PCDHGA5: variants seen among roughly 807,000 people sequenced by gnomAD.
PCDHGA5 encodes protocadherin gamma subfamily A, 5.
In PCDHGA5, 36 loss-of-function variants were observed where a neutral mutation model predicts 56.7. The observed-to-expected ratio is 0.64, with a 90% CI of 0.49 to 0.84. The LOEUF is 0.84. PCDHGA5 is among the 40% of genes least tolerant of loss of function. The pLI is 0.00. For synonymous variants in PCDHGA5, 563 were observed against 520.2 expected (o/e 1.08, Z -1.12); for missense variants, 1,305 against 1,201.5 (o/e 1.09, Z -1.27).
chr5:141,490,984 T>TCTG lies in PCDHGA5; in HGVS notation c.2422-3820_2422-3818dup. On this transcript the variant is annotated intron_variant, in intron 1 of 3. Transcript: ENST00000518069. The surrounding 1 kb of genome is among the most constrained non-coding windows in gnomAD (Gnocchi z 5.4). ...CTCAGCCCCCCAGCGTCTCCCTCGCTCTGCTCCTCCTGGCTCCTTGGTCAC... is the reference window on the plus strand; with the variant it reads ...CTCAGCCCCCCAGCGTCTCCCTCGCTCTGCTGCTCCTCCTGGCTCCTTGGTCAC... The TCTG allele has an allele frequency of 1.2e-6, 2 of 1,614,110 alleles. No homozygotes were observed. Among genetic ancestry groups the TCTG allele is most frequent in the Non-Finnish European group, 1.7e-6 (2 of 1,180,028 alleles).
Position 141,477,689 on chromosome 5 carries a change from C to T in PCDHGA5, c.2422-17118C>T. The T allele has an allele frequency of 6.2e-7, 1 of 1,614,156 alleles. No individual in the cohort carries two copies. The highest frequency in any genetic ancestry group is 8.5e-7 in the Non-Finnish European group (1 of 1,180,024). ...TGGCATAGTGTCATCCTTAGTGCCC[C>T]TAGACTATGAGGATCGGCGGGAATT... On this transcript the variant is annotated intron_variant, in intron 1 of 3. Transcript: ENST00000518069. This position sits in a 1 kb window ranked among gnomAD's most constrained non-coding sequence, Gnocchi z 4.9.
Position 141,366,058 on chromosome 5 carries a change from G to C in PCDHGA5, c.1728G>C (p.Glu576Asp). The C allele has an allele frequency of 1.2e-6, 2 of 1,614,242 alleles. No homozygotes were observed. Among genetic ancestry groups the C allele is most frequent in the East Asian group, 2.2e-5 (1 of 44,876 alleles). Residue 576 changes from glutamate to aspartate, a missense_variant, in exon 1 of 4, where the codon GAG (glutamate) becomes GAC (aspartate). Glu to Asp is a conservative substitution (Grantham distance 45, BLOSUM62 2). Coordinates refer to ENST00000518069, the MANE Select transcript of PCDHGA5 (RefSeq NM_018918.3). ...CCACAGACGGTTCCACGGGCGTGGA[G>C]CTGGCGCCTCGCTCCGCAGAACCTG... ...ALPTDGSTGV[E>D]LAPRSAEPGY...
At position 141,486,383 on chromosome 5, in the gene PCDHGA5, C is replaced by A. The variant is rs757384186; in HGVS notation, c.2422-8424C>A. On this transcript the variant is annotated intron_variant, in intron 1 of 3. Transcript: ENST00000518069. The surrounding 1 kb of genome is among the most constrained non-coding windows in gnomAD (Gnocchi z 5.0). ...TGCCCTCAAGTCTGCCTTCAGGAAC[C>A]AGTTCTCCCTGGTGACTGCTGGACC... The A allele has an allele frequency of 6.2e-7, 1 of 1,614,040 alleles. No homozygotes were observed. Among genetic ancestry groups the A allele is most frequent in the East Asian group, 2.2e-5 (1 of 44,884 alleles).
At chr5:141,389,061 T>C in intron 1 of PCDHGA5, 1 of 1,614,022 alleles carries the variant, frequency 6.2e-7, no homozygotes, top group Non-Finnish European at 8.5e-7. Context: ...ATTTAAAATA[T>C]TAACTTCTTC....
At chr5:141,456,971 A>G (rs1031714073) in intron 1 of PCDHGA5, among the ~76,000 whole-genome samples, 1 of 147,384 alleles carries the variant, frequency 6.8e-6, no homozygotes, top group Non-Finnish European at 1.5e-5. Context: ...TCAAAACAAA[A>G]CAAACAAACA....
At chr5:141,423,701 G>A in intron 1 of PCDHGA5, 1 of 1,312,668 alleles carries the variant, frequency 7.6e-7, no homozygotes, top group Non-Finnish European at 9.9e-7. Flanking sequence ...TGGTGTCTTG[G>A]CACAAGTCTT....
intron 1 of PCDHGA5, chr5:141,371,021 C>T (rs1767401708): frequency 1.2e-6 from 2 of 1,614,026 alleles, no homozygotes; most frequent in South Asian, 2.2e-5. Flanking sequence ...CACATCACCA[C>T]CTGGTCCTCA....
Position 141,494,815 on chromosome 5 carries a change from G to C in PCDHGA5, c.2430G>C (p.Pro810=). 6.2e-7 allele frequency: 1 copy of C among 1,613,976 alleles called. No individual in the cohort carries two copies. The highest frequency in any genetic ancestry group is 8.5e-7 in the Non-Finnish European group (1 of 1,179,982). Residue 810 remains proline, a synonymous_variant, in exon 2 of 4, where the codon CCG becomes CCC. Transcript: ENST00000518069. Reference sequence around the variant, plus strand: ...CTCTGTTTTCTCCACAGCAAGCCCCGCCCAACACGGACTGGCGTTTCTCTC... The same window carrying C: ...CTCTGTTTTCTCCACAGCAAGCCCCCCCCAACACGGACTGGCGTTTCTCTC... ...NKEERRVQQA[P]PNTDWRFSQA...
rs11953770 is a variant in PCDHGA5 at position 141,510,741 on chromosome 5, C to T, written c.2570-206C>T. On this transcript the variant is annotated intron_variant, in intron 3 of 3. Coordinates refer to ENST00000518069, the MANE Select transcript of PCDHGA5 (RefSeq NM_018918.3). ...TAAGGAAAGGAGCTAGGAATCAAACCTAGACTTTCTCACTCCAGAGCCTCT... is the reference window on the plus strand; with the variant it reads ...TAAGGAAAGGAGCTAGGAATCAAACTTAGACTTTCTCACTCCAGAGCCTCT... Among the ~76,000 whole-genome samples the T allele has an allele frequency of 2.6e-5, 4 of 152,138 alleles. No homozygotes were observed. In the South Asian group the frequency reaches 8.3e-4, roughly 32 times the overall value.
rs1330784633 is a variant in PCDHGA5 at position 141,476,330 on chromosome 5, G to A, written c.2422-18477G>A. On this transcript the variant is annotated intron_variant, in intron 1 of 3. Transcript: ENST00000518069. This position sits in a 1 kb window ranked among gnomAD's most constrained non-coding sequence, Gnocchi z 7.6. ...CCGCAGGTTCCGGGTGGTGTCTGGA[G>A]CTAGCCGAAGATTCTTTGAGGTGAA... The A allele has an allele frequency of 1.2e-6, 2 of 1,614,092 alleles. No homozygotes were observed. The highest frequency in any genetic ancestry group is 1.6e-4 in the Middle Eastern group (1 of 6,084).
chr5:141,471,006 T>A (rs560578929), intron 1 of PCDHGA5, among the ~76,000 whole-genome samples: 57 of 150,804 alleles, frequency 3.8e-4, no homozygotes, highest in African/African-American at 1.3e-3. Context: ...CATGAGCCAC[T>A]GTGCCTGGTC....
Position 141,489,900 on chromosome 5 carries a change from A to T in PCDHGA5, c.2422-4907A>T. ...TTACTGCTGTGGATGGGGGGACCCC[A>T]GCCCGCTCAGGGACCACCCTTATCT... On this transcript the variant is annotated intron_variant, in intron 1 of 3. Coordinates refer to ENST00000518069, the MANE Select transcript of PCDHGA5 (RefSeq NM_018918.3). This position sits in a 1 kb window ranked among gnomAD's most constrained non-coding sequence, Gnocchi z 4.5. The T allele has an allele frequency of 6.2e-7, 1 of 1,614,254 alleles. No homozygotes were observed. The highest frequency in any genetic ancestry group is 8.5e-7 in the Non-Finnish European group (1 of 1,180,044).
At chr5:141,498,863 G>A (rs1311199561) in intron 2 of PCDHGA5, among the ~76,000 whole-genome samples, 2 of 151,466 alleles carry the variant, frequency 1.3e-5, no homozygotes, top group South Asian at 2.1e-4. Context: ...AACCCAGGAG[G>A]CGGAGGTTGC....
intron 1 of PCDHGA5, chr5:141,385,646 C>A: frequency 1.4e-6 from 1 of 737,590 alleles, no homozygotes; most frequent in Non-Finnish European, 1.7e-6. Flanking sequence ...TTTCATATTG[C>A]ACAAGGTTAG....
chr5:141,413,197 T>C (rs1429088178), intron 1 of PCDHGA5: 1 of 1,611,552 alleles, frequency 6.2e-7, no homozygotes, highest in Non-Finnish European at 8.5e-7. Flanking sequence ...AAGGAATCGC[T>C]CAAAGGAATC....
rs2099692694 is a variant in PCDHGA5, at chr5:141,489,817, GAGCTGGTGCTAGAGCAGC to G, written c.2422-4983_2422-4966del. On this transcript the variant is annotated intron_variant, in intron 1 of 3. Transcript: ENST00000518069. This position sits in a 1 kb window ranked among gnomAD's most constrained non-coding sequence, Gnocchi z 4.5. ...CCTAAAAGATGGGAAGCCATTCCCA[GAGCTGGTGCTAGAGCAGC>G]AGCTGGATCGTGAAGCCCAGGCAAG... 6 of 1,613,992 alleles carry G rather than the reference GAGCTGGTGCTAGAGCAGC, an allele frequency of 3.7e-6. No individual in the cohort carries two copies. Among genetic ancestry groups the G allele is most frequent in the Non-Finnish European group, 5.1e-6 (6 of 1,179,944 alleles).
At chr5:141,498,679 C>G (rs1454800332) in intron 2 of PCDHGA5, among the ~76,000 whole-genome samples, 1 of 152,170 alleles carries the variant, frequency 6.6e-6, no homozygotes, top group Admixed American at 6.5e-5. Flanking sequence ...CGCCTGTAAT[C>G]CCAGCACTTT....
At chr5:141,403,688 A>G (rs1385402830) in intron 1 of PCDHGA5, 1 of 1,613,836 alleles carries the variant, frequency 6.2e-7, no homozygotes, top group Non-Finnish European at 8.5e-7. Flanking sequence ...TGCTCAACGG[A>G]TTTACCGAGT....
intron 1 of PCDHGA5, among the ~76,000 whole-genome samples, chr5:141,481,171 C>G (rs927813327): frequency 6.6e-6 from 1 of 152,120 alleles, no homozygotes; most frequent in African/African-American, 2.4e-5. Flanking sequence ...AACCAGAATC[C>G]AGCTTTATTG....
Sources: gnomAD v4.1 joint callset for allele counts (sites outside exome capture counted in the v4.1 genomes callset) on GRCh38, gnomAD v4.1.1 for gene constraint, Gnocchi (gnomAD v3.1) non-coding constraint, MANE v1.5 for transcripts, NCBI Gene and HGNC (gene_info 2026-07-23, HGNC 2026-07-21) for gene names.